The following FMN2 variants were observed in gnomAD, a reference collection of about 807,000 sequenced individuals.
FMN2 encodes the protein formin 2.
In FMN2, 51 loss-of-function variants were observed where a neutral mutation model predicts 142.3. The ratio of observed to expected loss-of-function variants is 0.36; its 90% CI spans 0.29 to 0.45. The LOEUF (loss-of-function observed/expected upper bound fraction) is 0.45. Ranked by LOEUF, FMN2 falls within the 20% of genes least tolerant of loss-of-function variation. FMN2 has a pLI of 1.00. For missense variants in FMN2, 1,936 were observed against 2,122.8 expected (o/e 0.91, Z 1.73); for synonymous variants, 882 against 869.8 (o/e 1.01, Z -0.25).
At chr1:240,463,817 A>G (rs186485437) in intron 16 of FMN2, among the ~76,000 whole-genome samples, 2 of 152,098 alleles carry the variant, frequency 1.3e-5, no homozygotes, top group East Asian at 3.9e-4. Flanking sequence ...AGCCTGGCCA[A>G]CATGGTGAAG....
chr1:240,413,128 A>AAG (rs1214435062), intron 15 of FMN2, among the ~76,000 whole-genome samples: 6 of 139,584 alleles, frequency 4.3e-5, no homozygotes, highest in Non-Finnish European at 9.3e-5. Flanking sequence ...GTCAAAAAAA[A>AAG]AAAAAAAAAA....
chr1:240,125,088 C>T (rs1386581317), intron 2 of FMN2, among the ~76,000 whole-genome samples: 1 of 152,196 alleles, frequency 6.6e-6, no homozygotes, highest in African/African-American at 2.4e-5. Context: ...GACAAAGCCC[C>T]AGCTGAGGTC....
At position 240,261,632 on chromosome 1, in the gene FMN2, T is replaced by C. The variant is rs912301971; in HGVS notation, c.4153+3600T>C. ...AGCACCACTTGCTCAGTCTGTTATT[T>C]GAATACAGGTTATTTCCCACAATAA... On this transcript the variant is annotated intron_variant, in intron 7 of 17. Coordinates refer to ENST00000319653, the MANE Select transcript of FMN2 (RefSeq NM_020066.5). Among the ~76,000 whole-genome samples, 11 of 152,288 alleles carry C rather than the reference T, an allele frequency of 7.2e-5. No homozygotes were observed. The South Asian group carries it at 2.3e-3, about 32-fold the overall frequency.
intron 16 of FMN2, among the ~76,000 whole-genome samples, chr1:240,462,292 T>C (rs1249675286): frequency 6.6e-6 from 1 of 152,146 alleles, no homozygotes; most frequent in African/African-American, 2.4e-5. Flanking sequence ...CTCCTAATGG[T>C]CATGTATTGA....
chr1:240,211,248 G>A lies in FMN2; in HGVS notation c.4065+13G>A. ...GAAGGCTAAACAAGTGAGTATTTTT[G>A]TGCTTTATGAAATTGGACAGTGTTT... On this transcript the variant is annotated intron_variant, in intron 6 of 17. Transcript: ENST00000319653. 6.2e-7 allele frequency: 1 copy of A among 1,607,586 alleles called. No homozygotes were observed. The highest frequency in any genetic ancestry group is 1.1e-5 in the South Asian group (1 of 89,560).
At chr1:240,406,402 G>A (rs887481640) in intron 15 of FMN2, among the ~76,000 whole-genome samples, 2 of 152,096 alleles carry the variant, frequency 1.3e-5, no homozygotes, top group African/African-American at 4.8e-5. Context: ...TGGGTCAGAT[G>A]CAAGCACAGA....
At chr1:240,122,774 TG>T (rs1467779798) in intron 1 of FMN2, among the ~76,000 whole-genome samples, 1 of 151,912 alleles carries the variant, frequency 6.6e-6, no homozygotes, top group Non-Finnish European at 1.5e-5. Context: ...AAATCTGAGC[TG>T]GGCGTGGTGG....
chr1:240,140,084 G>T (rs1663116159), intron 2 of FMN2, among the ~76,000 whole-genome samples: 1 of 152,110 alleles, frequency 6.6e-6, no homozygotes, highest in South Asian at 2.1e-4. Flanking sequence ...ATTGCGTGAA[G>T]GTGAGTGCTT....
chr1:240,332,395 T>C (rs551471608), intron 11 of FMN2, among the ~76,000 whole-genome samples: 20 of 149,186 alleles, frequency 1.3e-4, no homozygotes, highest in African/African-American at 4.5e-4. Flanking sequence ...AAAAGCCCTT[T>C]TCTTAACCTA....
At chr1:240,304,527 G>C (rs1670310129) in intron 8 of FMN2, among the ~76,000 whole-genome samples, 1 of 152,098 alleles carries the variant, frequency 6.6e-6, no homozygotes, top group Non-Finnish European at 1.5e-5. Flanking sequence ...AATCTTTAAT[G>C]TCTGGCTCCC....
chr1:240,290,063 G>A (rs981176576), intron 7 of FMN2, among the ~76,000 whole-genome samples: 4 of 152,168 alleles, frequency 2.6e-5, no homozygotes, highest in Non-Finnish European at 5.9e-5. Context: ...ACCTGCCTGC[G>A]CACAGTCAAG....
In FMN2 at chr1:240,207,058, C is replaced by T. The variant is rs371967368; in HGVS notation, c.2246C>T (p.Thr749Met). The T allele has an allele frequency of 4.6e-5, 74 of 1,614,004 alleles. No homozygotes were observed. The highest frequency in any genetic ancestry group is 8.9e-5 in the East Asian group (4 of 44,890). ...GCGAAATCGATACAGACTTCCCCCA[C>T]GGAAGAGGGCGGGGTGCTGACACTG... The part of the protein sequence containing the change: ...LEAKSIQTSP[T>M]EEGGVLTLPP... Residue 749 changes from threonine (T) to methionine (M), a missense_variant, in exon 5 of 18, where the codon ACG becomes ATG. Thr to Met is a moderately conservative substitution (Grantham distance 81, BLOSUM62 -1). Around this residue, in one of 8 missense-constraint regions of FMN2, gnomAD observed 478 missense variants for 462.8 expected, o/e 1.03. Coordinates refer to ENST00000319653, the MANE Select transcript of FMN2 (RefSeq NM_020066.5).
intron 6 of FMN2, among the ~76,000 whole-genome samples, chr1:240,216,067 C>A (rs1197832026): frequency 3.3e-5 from 5 of 152,072 alleles, no homozygotes; most frequent in Non-Finnish European, 7.4e-5. Context: ...ATGACATTTG[C>A]ACAGTTAAAT....
chr1:240,144,972 C>G, intron 2 of FMN2: 1 of 1,259,102 alleles, frequency 7.9e-7, no homozygotes, highest in Non-Finnish European at 1.2e-6. Flanking sequence ...TCGCACTCCC[C>G]ACTCATGGTC....
chr1:240,215,823 C>T (rs1005258336), intron 6 of FMN2, among the ~76,000 whole-genome samples: 4 of 152,108 alleles, frequency 2.6e-5, no homozygotes, highest in Non-Finnish European at 5.9e-5. Flanking sequence ...ATTCTCCTGC[C>T]TCAGCCTCCC....
At chr1:240,345,914 C>T (rs922907144) in intron 13 of FMN2, among the ~76,000 whole-genome samples, 1 of 152,168 alleles carries the variant, frequency 6.6e-6, no homozygotes, top group Non-Finnish European at 1.5e-5. Context: ...AGCACCAAAA[C>T]CCTCAGATAT....
At position 240,356,255 on chromosome 1, in the gene FMN2, A is replaced by G. The variant is rs906825625; in HGVS notation, c.4858+347A>G. 3.9e-5 allele frequency among the ~76,000 whole-genome samples: 6 copies of G among 152,276 alleles called. No individual in the cohort carries two copies. The East Asian group carries it at 7.7e-4, about 20-fold the overall frequency. On this transcript the variant is annotated intron_variant, in intron 14 of 17. Coordinates refer to ENST00000319653, the MANE Select transcript of FMN2 (RefSeq NM_020066.5). ...ATAGAAAATTAGATAGTATTATTTT[A>G]CATTTTAATTGTACTGATGAGCTCA...
chr1:240,406,434 A>C (rs1489360939), intron 15 of FMN2, among the ~76,000 whole-genome samples: 2 of 151,942 alleles, frequency 1.3e-5, no homozygotes, highest in Non-Finnish European at 2.9e-5. Flanking sequence ...GGCGGCGTCT[A>C]GTGCCTCTGT....
chr1:240,238,212 G>T (rs770281585), intron 6 of FMN2, among the ~76,000 whole-genome samples: 9 of 152,192 alleles, frequency 5.9e-5, no homozygotes, highest in Non-Finnish European at 1.2e-4. Flanking sequence ...GTTAAAATAA[G>T]GTAATGATGA....
Sources: allele counts gnomAD v4.1 joint callset (sites outside exome capture counted in the v4.1 genomes callset), GRCh38; gene constraint gnomAD v4.1.1; regional missense constraint gnomAD v4.1.1; transcripts MANE v1.5; gene names NCBI Gene and HGNC (gene_info 2026-07-23, HGNC 2026-07-21).